DYNC1I2: variants seen among roughly 807,000 people sequenced by gnomAD.
The protein encoded by DYNC1I2 is cytoplasmic dynein 1 intermediate chain 2.
A neutral mutation model predicts 88.6 loss-of-function variants in DYNC1I2; 53 were observed. The observed-to-expected ratio is 0.60, with a 90% CI of 0.48 to 0.75. DYNC1I2 has a LOEUF of 0.75. DYNC1I2 is among the 30% of genes least tolerant of loss of function. DYNC1I2 has a pLI of 0.00. For missense variants in DYNC1I2, 458 were observed against 766.6 expected (o/e 0.60, Z 4.75); for synonymous variants, 198 against 254.6 (o/e 0.78, Z 2.12).
In DYNC1I2 at chr2:171,692,777, A is replaced by G; in HGVS notation, c.109A>G (p.Thr37Ala). The G allele has an allele frequency of 1.3e-6, 2 of 1,592,698 alleles. No individual in the cohort carries two copies. The highest frequency in any genetic ancestry group is 8.5e-7 in the Non-Finnish European group (1 of 1,171,528). The change falls in exon 3 of 18, where the codon ACA becomes GCA. Residue 37 changes from threonine to alanine, a missense_variant and splice_region_variant. By Grantham distance (58) the Thr-to-Ala change is moderately conservative. Coordinates refer to ENST00000397119, the MANE Select transcript of DYNC1I2 (RefSeq NM_001378.3). ...TAAGTTTTTAACCTAAACATTTTAG[A>G]CAGACCAGAAGAAGGAAGCTGTTGC... is the stretch of plus-strand genomic sequence containing the variant. ...RKEEERKKKE[T>A]DQKKEAVAPV...
intron 7 of DYNC1I2, among the ~76,000 whole-genome samples, chr2:171,717,894 T>C (rs1242772632): frequency 6.6e-6 from 1 of 152,174 alleles, no homozygotes; most frequent in Non-Finnish European, 1.5e-5. Context: ...ATATAAAGTA[T>C]TCTGAAACTA....
At chr2:171,739,683 G>T (rs943854423) in intron 15 of DYNC1I2, among the ~76,000 whole-genome samples, 3 of 145,230 alleles carry the variant, frequency 2.1e-5, no homozygotes, top group Middle Eastern at 7.2e-3. Context: ...ATCCATTTGC[G>T]ATTGACATAT....
At chr2:171,746,237 T>A (rs1312805805) in intron 17 of DYNC1I2, among the ~76,000 whole-genome samples, 1 of 152,204 alleles carries the variant, frequency 6.6e-6, no homozygotes, top group Non-Finnish European at 1.5e-5. Flanking sequence ...TAGGTGGACT[T>A]TGGGGTTTTA....
intron 15 of DYNC1I2, among the ~76,000 whole-genome samples, chr2:171,739,741 T>C (rs961088649): frequency 1.0e-4 from 15 of 143,066 alleles, no homozygotes; most frequent in South Asian, 2.4e-4. Context: ...AATCTCACTC[T>C]GTTGCCCAGG....
intron 6 of DYNC1I2, 92 bp downstream of exon 6, chr2:171,712,918 T>G: frequency 9.3e-7 from 1 of 1,071,988 alleles, no homozygotes; most frequent in Non-Finnish European, 1.4e-6. Context: ...GTTTATAATA[T>G]TGTATCACGT....
intron 15 of DYNC1I2, among the ~76,000 whole-genome samples, chr2:171,732,047 T>G (rs1402916635): frequency 6.6e-6 from 1 of 152,180 alleles, no homozygotes; most frequent in Non-Finnish European, 1.5e-5. Context: ...ATTGGGTTAA[T>G]AATTATCTTG....
At chr2:171,730,042 G>A (rs894859887) in intron 15 of DYNC1I2, among the ~76,000 whole-genome samples, 189 bp downstream of exon 15, 3 of 152,204 alleles carry the variant, frequency 2.0e-5, no homozygotes, top group African/African-American at 7.2e-5. Context: ...ATGCTAACAA[G>A]TATGGTAACC....
intron 15 of DYNC1I2, among the ~76,000 whole-genome samples, chr2:171,732,953 C>T (rs1307964020): frequency 6.6e-6 from 1 of 152,112 alleles, no homozygotes; most frequent in African/African-American, 2.4e-5. Flanking sequence ...ATTAAGCCTA[C>T]TATCCATTAG....
intron 4 of DYNC1I2, chr2:171,707,050 T>C: frequency 4.9e-6 from 3 of 607,762 alleles, no homozygotes; most frequent in East Asian, 2.9e-5. Flanking sequence ...AAAAAAATTA[T>C]AAAGCTCAAA....
rs1026975099 is a variant in DYNC1I2 at position 171,748,518 on chromosome 2, CAA to C, written c.*631_*632del. The C allele has an allele frequency of 1.2e-4, 18 of 152,290 alleles. No homozygotes were observed. The highest frequency in any genetic ancestry group is 4.3e-4 in the African/African-American group (18 of 41,572). 9.4% of individuals were successfully genotyped at this position (152,290 alleles called of 1,614,324 possible). ...AAGCTCCTGCTGTGAGCAGCCATCT[CAA>C]ATCCTATAGAGCTGTGTACCCTAAA... On this transcript the variant is annotated 3_prime_UTR_variant, in exon 18 of 18. Coordinates refer to ENST00000397119, the MANE Select transcript of DYNC1I2 (RefSeq NM_001378.3).
intron 1 of DYNC1I2, among the ~76,000 whole-genome samples, chr2:171,689,882 C>CTTTTTTTTT (rs10716223): frequency 5.0e-4 from 27 of 54,152 alleles, no homozygotes; most frequent in Admixed American, 1.1e-3. Context: ...TTTTTCTTGC[C>CTTTTTTTTT]TTTTTTTTTT....
In DYNC1I2 at chr2:171,744,232, T is replaced by C. The variant is rs765729070; in HGVS notation, c.1677+43T>C. 2.6e-6 allele frequency: 4 copies of C among 1,550,572 alleles called. No individual in the cohort carries two copies. The South Asian group carries it at 3.7e-5, about 14-fold the overall frequency. On this transcript the variant is annotated intron_variant, in intron 16 of 17. Transcript: ENST00000397119. Reference sequence around the variant, plus strand: ...AAAAATTGCATTGAAAAATAGAAAATTGGATATTTATTGAATAATTTGTGA... The same window carrying C: ...AAAAATTGCATTGAAAAATAGAAAACTGGATATTTATTGAATAATTTGTGA...
intron 15 of DYNC1I2, among the ~76,000 whole-genome samples, chr2:171,738,412 A>C (rs1243463771): frequency 6.6e-6 from 1 of 152,136 alleles, no homozygotes; most frequent in South Asian, 2.1e-4. Flanking sequence ...AGATTGATTC[A>C]TATTTGTTAG....
At chr2:171,717,749 G>C (rs1687613563) in intron 7 of DYNC1I2, among the ~76,000 whole-genome samples, 1 of 152,002 alleles carries the variant, frequency 6.6e-6, no homozygotes, top group African/African-American at 2.4e-5. Context: ...AAAGTGACCA[G>C]AATAACCAAA....
rs566226407 is a variant in DYNC1I2 at position 171,746,699 on chromosome 2, C to CT, written c.1803+773dup. Among the ~76,000 whole-genome samples the CT allele has an allele frequency of 9.7e-4, 147 of 152,264 alleles. 2 individuals carry two copies. The highest frequency in any genetic ancestry group is 3.3e-3 in the African/African-American group (137 of 41,556). The stretch of plus-strand genomic sequence containing the variant: ...TAGCCACATATGGCTATTGAACACT[C>CT]TAAGTGTTGCTACTACAACTGCGTA... On this transcript the variant is annotated intron_variant, in intron 17 of 17. Transcript: ENST00000397119.
chr2:171,739,696 C>CTTT (rs201750115), intron 15 of DYNC1I2, among the ~76,000 whole-genome samples: 6 of 65,038 alleles, frequency 9.2e-5, no homozygotes, highest in Non-Finnish European at 1.4e-4. Context: ...TGACATATCT[C>CTTT]TTTTTTTTTT....
At chr2:171,746,534 C>T (rs1689793075) in intron 17 of DYNC1I2, among the ~76,000 whole-genome samples, 1 of 152,142 alleles carries the variant, frequency 6.6e-6, no homozygotes, top group Non-Finnish European at 1.5e-5. Context: ...TGCTATGCCT[C>T]ATGATTTCTC....
At chr2:171,740,938 C>A in intron 15 of DYNC1I2, among the ~76,000 whole-genome samples, 1 of 152,084 alleles carries the variant, frequency 6.6e-6, no homozygotes, top group Non-Finnish European at 1.5e-5. Context: ...AAATTATGCC[C>A]ATTAGCAGTC....
At chr2:171,696,630 A>C (rs1408086265) in intron 3 of DYNC1I2, among the ~76,000 whole-genome samples, 1 of 152,182 alleles carries the variant, frequency 6.6e-6, no homozygotes, top group African/African-American at 2.4e-5. Context: ...GTAGGGATCC[A>C]ACCTAATTTT....
Sources: allele counts gnomAD v4.1 joint callset (sites outside exome capture counted in the v4.1 genomes callset), GRCh38; gene constraint gnomAD v4.1.1; transcripts MANE v1.5; gene names NCBI Gene and HGNC (gene_info 2026-07-23, HGNC 2026-07-21).